NCAM2: variants seen among roughly 807,000 people sequenced by gnomAD.
NCAM2 encodes the protein neural cell adhesion molecule 2.
Under a neutral mutation model 98.1 loss-of-function variants are expected in NCAM2, and 30 were observed. The ratio of observed to expected loss-of-function variants is 0.31; its 90% CI spans 0.23 to 0.41. The LOEUF is 0.41. Ranked by LOEUF, NCAM2 falls within the 10% of genes least tolerant of loss-of-function variation. The probability of loss-of-function intolerance (pLI) is 1.00; values close to 1 mark genes in which losing one functional copy is unlikely to be tolerated. For synonymous variants in NCAM2, 368 were observed against 342.4 expected (o/e 1.07, Z -0.83); for missense variants, 867 against 1,005.8 (o/e 0.86, Z 1.87).
At chr21:21,081,159 G>A (rs760438805) in intron 1 of NCAM2, among the ~76,000 whole-genome samples, 2 of 152,086 alleles carry the variant, frequency 1.3e-5, no homozygotes. Context: ...AGAGTTGTAC[G>A]CATGCTCACT....
At chr21:21,320,331 CT>C (rs889958042) in intron 5 of NCAM2, among the ~76,000 whole-genome samples, 16 of 151,568 alleles carry the variant, frequency 1.1e-4, no homozygotes, top group Middle Eastern at 3.4e-3. Flanking sequence ...GGAAGATAGA[CT>C]TTTTTTTTCC....
At chr21:21,494,897 T>C (rs1247825088) in intron 15 of NCAM2, among the ~76,000 whole-genome samples, 1 of 29,212 alleles carries the variant, frequency 3.4e-5, no homozygotes, top group Non-Finnish European at 8.7e-5. Context: ...TATGAATTTG[T>C]TTTTAGCCAA....
intron 16 of NCAM2, among the ~76,000 whole-genome samples, chr21:21,516,970 A>G (rs1036052392): frequency 2.0e-5 from 3 of 152,182 alleles, no homozygotes; most frequent in African/African-American, 4.8e-5. Flanking sequence ...ATGTGTGAAT[A>G]CCAAATAAAT....
At chr21:21,389,625 A>G (rs1396327127) in intron 9 of NCAM2, among the ~76,000 whole-genome samples, 3 of 152,070 alleles carry the variant, frequency 2.0e-5, no homozygotes, top group Admixed American at 1.3e-4. Context: ...CCACCATTCT[A>G]TTCTTCCTCC....
intron 1 of NCAM2, among the ~76,000 whole-genome samples, chr21:21,045,282 A>C (rs536269161): frequency 1.3e-5 from 2 of 152,294 alleles, no homozygotes; most frequent in African/African-American, 4.8e-5. Flanking sequence ...TAAATAAATA[A>C]ATAAAATACA....
chr21:21,440,502 C>T (rs758252451), intron 12 of NCAM2, among the ~76,000 whole-genome samples: 14 of 151,932 alleles, frequency 9.2e-5, no homozygotes, highest in South Asian at 8.3e-4. Flanking sequence ...GGCAACATGG[C>T]GAAACCTCAT....
chr21:21,404,326 A>AT (rs1206446842), intron 9 of NCAM2, among the ~76,000 whole-genome samples: 1 of 152,112 alleles, frequency 6.6e-6, no homozygotes, highest in Non-Finnish European at 1.5e-5. Context: ...TGTAGCTCCC[A>AT]TAATTCCCAC....
intron 1 of NCAM2, among the ~76,000 whole-genome samples, chr21:21,140,695 TC>T (rs2067148945): frequency 1.3e-5 from 2 of 152,142 alleles, no homozygotes; most frequent in African/African-American, 4.8e-5. Context: ...GGTTTTCTCT[TC>T]TGTCACTTTT....
rs368879473 is a variant in NCAM2, at chr21:21,324,547, T to C, written c.737+47T>C. 28 of 1,220,992 alleles carry C rather than the reference T, an allele frequency of 2.3e-5. No individual in the cohort carries two copies. In the African/African-American group the frequency reaches 6.7e-4, roughly 29 times the overall value. 75.6% of individuals were successfully genotyped at this position (1,220,992 alleles called of 1,614,324 possible). A position where few individuals can be genotyped will look rare whatever the true frequency, so the allele number is the denominator to read the frequency against. On this transcript the variant is annotated intron_variant, in intron 6 of 17. Coordinates refer to ENST00000400546, the MANE Select transcript of NCAM2 (RefSeq NM_004540.5). Reference sequence around the variant, plus strand: ...CTCTGGCTTGTGTCCATTATCAGGCTTATGGAACAGTATTGGGGATCTTAA... The same window carrying C: ...CTCTGGCTTGTGTCCATTATCAGGCCTATGGAACAGTATTGGGGATCTTAA...
chr21:21,261,233 A>C (rs1223258856), intron 1 of NCAM2, among the ~76,000 whole-genome samples: 2 of 152,144 alleles, frequency 1.3e-5, no homozygotes, highest in Non-Finnish European at 2.9e-5. Flanking sequence ...AAGAGACAGA[A>C]AGCAATACAA....
intron 1 of NCAM2, among the ~76,000 whole-genome samples, chr21:21,099,846 A>T (rs921900950): frequency 2.6e-5 from 4 of 151,862 alleles, no homozygotes; most frequent in African/African-American, 7.3e-5. Flanking sequence ...CTGTTATGTC[A>T]TCTTTACTTC....
At chr21:21,425,832 A>G (rs559132232) in intron 11 of NCAM2, among the ~76,000 whole-genome samples, 2 of 152,324 alleles carry the variant, frequency 1.3e-5, no homozygotes, top group African/African-American at 4.8e-5. Context: ...CAGGTTGGCT[A>G]TATAATATTA....
At chr21:21,322,952 C>G (rs1006225700) in intron 5 of NCAM2, among the ~76,000 whole-genome samples, 6 of 152,130 alleles carry the variant, frequency 3.9e-5, no homozygotes, top group Non-Finnish European at 8.8e-5. Context: ...TCCCCATGTT[C>G]CTTCCAGCTA....
At chr21:21,176,600 TAA>T (rs1292115106) in intron 1 of NCAM2, among the ~76,000 whole-genome samples, 1 of 151,960 alleles carries the variant, frequency 6.6e-6, no homozygotes, top group Non-Finnish European at 1.5e-5. Context: ...ATGAACAAAA[TAA>T]GAGTCAAAAT....
intron 1 of NCAM2, among the ~76,000 whole-genome samples, chr21:21,009,395 G>A (rs1382123365): frequency 6.6e-6 from 1 of 151,918 alleles, no homozygotes; most frequent in Non-Finnish European, 1.5e-5. Flanking sequence ...GGAATAACAA[G>A]GATGAATCAC....
At position 21,194,200 on chromosome 21, in the gene NCAM2, A is replaced by G. The variant is rs981500085; in HGVS notation, c.56-86378A>G. 5.3e-5 allele frequency among the ~76,000 whole-genome samples: 8 copies of G among 152,290 alleles called. No individual in the cohort carries two copies. In the South Asian group the frequency reaches 8.3e-4, roughly 16 times the overall value. On this transcript the variant is annotated intron_variant, in intron 1 of 17. Transcript: ENST00000400546. ...CTTCAGCAACAGCTCCAATTTCTCT[A>G]TTATTAAAACTGTAATTGCAATTAG... is the stretch of plus-strand genomic sequence containing the variant.
intron 1 of NCAM2, among the ~76,000 whole-genome samples, chr21:21,040,203 T>A (rs1004286123): frequency 6.6e-6 from 1 of 152,138 alleles, no homozygotes; most frequent in African/African-American, 2.4e-5. Flanking sequence ...TACTGAATCT[T>A]TAGTTTCCTT....
chr21:21,372,656 G>T (rs1162128328), intron 8 of NCAM2, among the ~76,000 whole-genome samples: 1 of 151,808 alleles, frequency 6.6e-6, no homozygotes, highest in Admixed American at 6.6e-5. Context: ...GCAAGTATTT[G>T]ACTCAAATGC....
intron 1 of NCAM2, among the ~76,000 whole-genome samples, chr21:21,092,414 C>T (rs560742145): frequency 6.6e-6 from 1 of 151,690 alleles, no homozygotes; most frequent in Non-Finnish European, 1.5e-5. Flanking sequence ...AATTCTATGG[C>T]TAGTTTAGAA....
Sources: allele counts gnomAD v4.1 joint callset (sites outside exome capture counted in the v4.1 genomes callset), GRCh38; gene constraint gnomAD v4.1.1; transcripts MANE v1.5; gene names NCBI Gene and HGNC (gene_info 2026-07-23, HGNC 2026-07-21).